RAB33A: variants seen among roughly 807,000 people sequenced by gnomAD.
RAB33A encodes the protein ras-related protein Rab-33A.
In RAB33A, 6 loss-of-function variants were observed where a neutral mutation model predicts 12.0. The ratio of observed to expected loss-of-function variants is 0.50; its 90% CI spans 0.27 to 0.99. RAB33A has a LOEUF of 0.99. RAB33A is among the 50% of genes least tolerant of loss of function. The probability of loss-of-function intolerance (pLI) is 0.11; values close to 1 mark genes in which losing one functional copy is unlikely to be tolerated. For synonymous variants in RAB33A, 70 were observed against 82.4 expected, an observed-to-expected ratio of 0.85 and a Z score of 0.81; for missense variants, 109 against 192.0, an observed-to-expected ratio of 0.57 and a Z score of 2.55.
At chrX:130,152,923 G>C in the RAB33A span, among the ~76,000 whole-genome samples, 2 of 111,808 alleles carry the variant, frequency 1.8e-5, no homozygotes, top group African/African-American at 6.5e-5. Context: ...GTAAGTGTAT[G>C]ATACCTAGTA....
upstream of RAB33A, among the ~76,000 whole-genome samples, chrX:130,167,196 A>G (rs979283113): frequency 2.7e-5 from 3 of 112,700 alleles, no homozygotes; most frequent in African/African-American, 9.7e-5. Flanking sequence ...TCATTGTTAA[A>G]CATGTTGACC....
At chrX:130,139,647 G>T in the RAB33A span, 1 of 534,683 alleles carries the variant, frequency 1.9e-6, no homozygotes, top group South Asian at 2.5e-5. Context: ...GAGAGAGGAA[G>T]TGACTTGTTC....
Position 130,184,808 on chromosome X carries a change from C to T in RAB33A, c.*68C>T, listed in dbSNP as rs1228180625. The T allele has an allele frequency of 1.0e-6, 1 of 964,541 alleles. No homozygotes were observed. Among genetic ancestry groups the T allele is most frequent in the Non-Finnish European group, 1.4e-6 (1 of 701,386 alleles). The allele number at this position is 964,541 out of a possible 1,213,427, so 79.5% of individuals were successfully genotyped here. On this transcript the variant is annotated 3_prime_UTR_variant, in exon 2 of 2. Transcript: ENST00000257017. Reference sequence around the variant, plus strand: ...TTTCTTTCCCTTTTTTCTGTGCCTGCATAATGCTGACACCTGCTTGTTTCC... The same window carrying T: ...TTTCTTTCCCTTTTTTCTGTGCCTGTATAATGCTGACACCTGCTTGTTTCC...
At chrX:130,145,592 ATAT>A in the RAB33A span, 15 of 1,087,866 alleles carry the variant, frequency 1.4e-5, no homozygotes, top group Non-Finnish European at 1.9e-5. Context: ...GAGAGGGAGA[ATAT>A]TATAAGCATG....
chrX:130,114,990 G>T, the RAB33A span, among the ~76,000 whole-genome samples: 3 of 111,337 alleles, frequency 2.7e-5, 1 homozygote, highest in Admixed American at 2.9e-4. Context: ...TTTTTGTAGA[G>T]ACAGGGTTTT....
the RAB33A span, among the ~76,000 whole-genome samples, chrX:130,123,304 T>C: frequency 8.9e-6 from 1 of 112,075 alleles, no homozygotes; most frequent in East Asian, 2.8e-4. Context: ...GGCTGAAATC[T>C]GGAAGAGTGT....
At chrX:130,152,841 G>A in the RAB33A span, among the ~76,000 whole-genome samples, 44 of 112,044 alleles carry the variant, frequency 3.9e-4, no homozygotes, top group African/African-American at 1.4e-3. Flanking sequence ...CCATTAGTGG[G>A]CTGTGAAGTC....
At chrX:130,167,652 A>G (rs1404052972), upstream of RAB33A, among the ~76,000 whole-genome samples, 6 of 112,711 alleles carry the variant, frequency 5.3e-5, no homozygotes, top group Non-Finnish European at 9.4e-5. Context: ...CTGAGGCAGG[A>G]GACTCGCTTG....
At chrX:130,158,253 A>G in the RAB33A span, among the ~76,000 whole-genome samples, 17 of 111,631 alleles carry the variant, frequency 1.5e-4, no homozygotes, top group South Asian at 3.7e-4. Flanking sequence ...AACGAGAGCG[A>G]AACTCCATTT....
At chrX:130,159,538 T>C in the RAB33A span, among the ~76,000 whole-genome samples, 1 of 111,922 alleles carries the variant, frequency 8.9e-6, no homozygotes, top group Non-Finnish European at 1.9e-5. Context: ...AAGTTCCATG[T>C]GATTTAGTTC....
the RAB33A span, among the ~76,000 whole-genome samples, chrX:130,119,189 T>C: frequency 1.8e-5 from 2 of 109,960 alleles, no homozygotes; most frequent in African/African-American, 3.3e-5. Context: ...GACCCTGGGA[T>C]CGTCCAGGGG....
chrX:130,165,695 C>G, the RAB33A span: 3 of 1,092,834 alleles, frequency 2.7e-6, no homozygotes, highest in Non-Finnish European at 3.7e-6. Context: ...CTTCCCTTTC[C>G]TCTCACGCAC....
the RAB33A span, chrX:130,139,875 G>T: frequency 2.5e-6 from 3 of 1,202,102 alleles, no homozygotes; most frequent in African/African-American, 5.3e-5. Context: ...GTACCTCCTG[G>T]AAATAAGAGA....
At chrX:130,148,028 C>T in the RAB33A span, 11 of 687,601 alleles carry the variant, frequency 1.6e-5, no homozygotes, top group Non-Finnish European at 2.3e-5. Flanking sequence ...ATCTTCACAG[C>T]ATCCTGATGG....
At chrX:130,179,087 C>G (rs2031695071) in intron 1 of RAB33A, among the ~76,000 whole-genome samples, 1 of 110,051 alleles carries the variant, frequency 9.1e-6, no homozygotes, top group South Asian at 3.9e-4. Context: ...TTCCTGGCTC[C>G]CCTCTCACGA....
the RAB33A span, among the ~76,000 whole-genome samples, chrX:130,140,785 A>C: frequency 8.9e-6 from 1 of 112,507 alleles, no homozygotes; most frequent in Non-Finnish European, 1.9e-5. Context: ...ATTTCAGAAC[A>C]TTTCCATCAC....
At chrX:130,159,212 G>C in the RAB33A span, among the ~76,000 whole-genome samples, 1 of 111,333 alleles carries the variant, frequency 9.0e-6, no homozygotes, top group African/African-American at 3.3e-5. Context: ...AAACTTGATA[G>C]TCTTAAATTT....
chrX:130,137,536 A>G, the RAB33A span: 1 of 1,166,014 alleles, frequency 8.6e-7, no homozygotes, highest in South Asian at 1.9e-5. Context: ...CTGAAAAAGA[A>G]CATTAAGAAA....
the RAB33A span, among the ~76,000 whole-genome samples, chrX:130,116,988 C>T: frequency 3.6e-5 from 4 of 111,955 alleles, no homozygotes; most frequent in South Asian, 3.7e-4. Flanking sequence ...CCAAGGTGGG[C>T]GGATCACGAG....
Sources: gnomAD v4.1 joint callset for allele counts (sites outside exome capture counted in the v4.1 genomes callset) on GRCh38, gnomAD v4.1.1 for gene constraint, MANE v1.5 for transcripts, NCBI Gene and HGNC (gene_info 2026-07-23, HGNC 2026-07-21) for gene names.